The following PARVA variants were observed in gnomAD, a reference collection of about 807,000 sequenced individuals.
PARVA encodes the protein parvin alpha.
A neutral mutation model predicts 52.6 loss-of-function variants in PARVA; 25 were observed. That is an observed-to-expected ratio of 0.48 (90% confidence interval 0.35 to 0.66). The LOEUF is 0.66. Among genes scored for constraint, PARVA ranks in the 30% least tolerant of loss-of-function variants. The probability of loss-of-function intolerance (pLI) is 0.01; values close to 1 mark genes in which losing one functional copy is unlikely to be tolerated. For synonymous variants in PARVA, 185 were observed against 179.1 expected (o/e 1.03, Z -0.26); for missense variants, 373 against 450.9 (o/e 0.83, Z 1.56).
chr11:12,474,436 A>G (rs184277755), intron 3 of PARVA, among the ~76,000 whole-genome samples: 2 of 152,186 alleles, frequency 1.3e-5, no homozygotes, highest in African/African-American at 2.4e-5. Flanking sequence ...CATACTGTGC[A>G]TTACGTACCT....
rs539353709 is a variant in PARVA, at chr11:12,525,775, G to C, written c.1043-2074G>C. ...ATGGGAGCAGAAACAGAATCTGGGA[G>C]CTCCAGGCCACTCCAGGCCTCTCCA... is the stretch of plus-strand genomic sequence containing the variant. On this transcript the variant is annotated intron_variant, in intron 12 of 12. Coordinates refer to ENST00000334956, the MANE Select transcript of PARVA (RefSeq NM_018222.5). Among the ~76,000 whole-genome samples, 7 of 152,290 alleles carry C rather than the reference G, an allele frequency of 4.6e-5. No individual in the cohort carries two copies. The South Asian group carries it at 1.5e-3, about 32-fold the overall frequency.
In PARVA at chr11:12,517,691, C is replaced by G. The variant is rs1162032726; in HGVS notation, c.949C>G (p.Pro317Ala). The G allele has an allele frequency of 3.7e-6, 6 of 1,601,472 alleles. No individual in the cohort carries two copies. The highest frequency in any genetic ancestry group is 5.1e-6 in the Non-Finnish European group (6 of 1,173,720). ...FVPLHSFFLT[P>A]DSFEQKVLNV... ...GCCCCTGCACAGCTTCTTCCTGACC[C>G]CGGACAGCTTTGAACAGAAGGTAAG... The change falls in exon 11 of 13, where the codon CCG becomes GCG. Residue 317 changes from proline (P) to alanine (A), a missense_variant. Coordinates refer to ENST00000334956, the MANE Select transcript of PARVA (RefSeq NM_018222.5).
chr11:12,410,385 G>A (rs1939977139), intron 1 of PARVA, among the ~76,000 whole-genome samples: 1 of 152,228 alleles, frequency 6.6e-6, no homozygotes, highest in Non-Finnish European at 1.5e-5. Context: ...AGGGACTCCG[G>A]GCCAGCTGCT....
intron 1 of PARVA, among the ~76,000 whole-genome samples, chr11:12,412,479 G>A (rs143848401): frequency 1.1e-4 from 16 of 152,280 alleles, no homozygotes; most frequent in African/African-American, 3.1e-4. Flanking sequence ...AGGGGGCTCC[G>A]GGATGCAGTT....
intron 1 of PARVA, among the ~76,000 whole-genome samples, chr11:12,443,335 C>A: frequency 6.6e-6 from 1 of 151,206 alleles, no homozygotes; most frequent in East Asian, 2.0e-4. Flanking sequence ...CCAAGCCCAG[C>A]TAATTTTTTG....
intron 1 of PARVA, among the ~76,000 whole-genome samples, chr11:12,391,120 T>C (rs1666188807): frequency 6.6e-6 from 1 of 152,166 alleles, no homozygotes. Flanking sequence ...GAGAGGCAGA[T>C]TGATTTGTTC....
At chr11:12,527,433 T>G (rs913618371) in intron 12 of PARVA, among the ~76,000 whole-genome samples, 1 of 152,196 alleles carries the variant, frequency 6.6e-6, no homozygotes, top group African/African-American at 2.4e-5. Flanking sequence ...CTGTCCCCCA[T>G]GACGCCTATT....
chr11:12,473,069 C>G (rs1221011057), intron 1 of PARVA, among the ~76,000 whole-genome samples: 3 of 152,156 alleles, frequency 2.0e-5, no homozygotes, highest in Admixed American at 2.0e-4. Flanking sequence ...TACTGTTCAT[C>G]CAGTCAAACT....
At chr11:12,397,729 A>G (rs1939769640) in intron 1 of PARVA, among the ~76,000 whole-genome samples, 1 of 152,116 alleles carries the variant, frequency 6.6e-6, no homozygotes, top group Admixed American at 6.5e-5. Context: ...TGGTTCAGAC[A>G]GGATGTTTTG....
At chr11:12,510,728 T>A (rs540909547) in intron 7 of PARVA, among the ~76,000 whole-genome samples, 25 of 152,284 alleles carry the variant, frequency 1.6e-4, no homozygotes, top group South Asian at 6.2e-4. Context: ...TGGGATCTCA[T>A]GAGAATTATT....
chr11:12,437,932 C>T (rs1940409209), intron 1 of PARVA, among the ~76,000 whole-genome samples: 1 of 152,176 alleles, frequency 6.6e-6, no homozygotes, highest in South Asian at 2.1e-4. Context: ...CCTTGTCATT[C>T]ATTGTCTTAG....
At chr11:12,426,680 C>T (rs1940239354) in intron 1 of PARVA, among the ~76,000 whole-genome samples, 1 of 152,146 alleles carries the variant, frequency 6.6e-6, no homozygotes, top group Non-Finnish European at 1.5e-5. Context: ...AGCCCAGGGT[C>T]ACATCGTATG....
At position 12,393,813 on chromosome 11, in the gene PARVA, T is replaced by A. The variant is rs1939697586; in HGVS notation, c.136+16030T>A. On this transcript the variant is annotated intron_variant, in intron 1 of 12. Transcript: ENST00000334956. ...CTGGTAGCAAGTGGAAGACATGGATTTGAACCCAGACAGTCTGGCTCCAGA... is the reference window on the plus strand; with the variant it reads ...CTGGTAGCAAGTGGAAGACATGGATATGAACCCAGACAGTCTGGCTCCAGA... Among the ~76,000 whole-genome samples the A allele has an allele frequency of 2.0e-5, 3 of 152,218 alleles. No individual in the cohort carries two copies. The South Asian group carries it at 6.2e-4, about 31-fold the overall frequency.
At chr11:12,499,380 T>A (rs1941338813) in intron 5 of PARVA, among the ~76,000 whole-genome samples, 1 of 152,008 alleles carries the variant, frequency 6.6e-6, no homozygotes, top group South Asian at 2.1e-4. Flanking sequence ...ATGAGGGTGG[T>A]AGGGACAGGC....
At chr11:12,473,695 C>T (rs1299934245) in intron 1 of PARVA, 50 bp from the exon 2 acceptor site, 1 of 1,390,642 alleles carries the variant, frequency 7.2e-7, no homozygotes, top group Non-Finnish European at 1.0e-6. Flanking sequence ...AGCTCCAACC[C>T]CCTGCCGTCC....
chr11:12,512,444 G>A (rs1589986988), intron 8 of PARVA, among the ~76,000 whole-genome samples: 1 of 152,134 alleles, frequency 6.6e-6, no homozygotes, highest in African/African-American at 2.4e-5. Flanking sequence ...AGGCCTCAGG[G>A]CCTCGCACCC....
intron 12 of PARVA, among the ~76,000 whole-genome samples, chr11:12,518,744 G>C (rs1589990246): frequency 6.6e-6 from 1 of 152,304 alleles, no homozygotes; most frequent in African/African-American, 2.4e-5. Context: ...TGGGATCGCG[G>C]GGATCAGGGA....
chr11:12,477,707 A>AC (rs3833772), intron 3 of PARVA, 140 bp from the exon 4 acceptor site: 86,068 of 603,372 alleles, frequency 0.14, 6,496 homozygotes, highest in Non-Finnish European at 0.17. Context: ...ACATAGTGAG[A>AC]CCCCATCTCA....
intron 3 of PARVA, among the ~76,000 whole-genome samples, chr11:12,474,870 G>A (rs1940987267): frequency 6.6e-6 from 1 of 151,366 alleles, no homozygotes; most frequent in Non-Finnish European, 1.5e-5. Context: ...GGAGGCTGAG[G>A]TGGGAGGATG....
Sources: allele counts gnomAD v4.1 joint callset (sites outside exome capture counted in the v4.1 genomes callset), GRCh38; gene constraint gnomAD v4.1.1; transcripts MANE v1.5; gene names NCBI Gene and HGNC (gene_info 2026-07-23, HGNC 2026-07-21).